CYYR1: variants seen among roughly 807,000 people sequenced by gnomAD.
CYYR1 encodes cysteine and tyrosine rich 1.
In CYYR1, 14 loss-of-function variants were observed where a neutral mutation model predicts 15.2. That is an observed-to-expected ratio of 0.92 (90% confidence interval 0.61 to 1.44). The LOEUF is 1.44. Ranked by LOEUF, CYYR1 falls within the 40% of genes most tolerant of loss-of-function variation. The pLI is 0.00. For synonymous variants in CYYR1, 80 were observed against 77.4 expected (o/e 1.03, Z -0.18); for missense variants, 228 against 209.5 (o/e 1.09, Z -0.54).
chr21:26,553,226 C>T (rs779322045), intron 2 of CYYR1, among the ~76,000 whole-genome samples: 2 of 152,020 alleles, frequency 1.3e-5, no homozygotes, highest in Non-Finnish European at 2.9e-5. Flanking sequence ...TCACAGCTCC[C>T]CTATAGGTAA....
chr21:26,524,994 T>G (rs1249281320), intron 2 of CYYR1, among the ~76,000 whole-genome samples: 1 of 152,212 alleles, frequency 6.6e-6, no homozygotes, highest in Admixed American at 6.5e-5. Context: ...AATTGATTAC[T>G]GGAATGGGAG....
chr21:26,551,165 A>T (rs1052324814), intron 2 of CYYR1: 1 of 152,660 alleles, frequency 6.6e-6, no homozygotes, highest in African/African-American at 2.4e-5. Flanking sequence ...GAATATTTGA[A>T]GCCTACTACT....
chr21:26,562,805 C>CACACACACACACAA, intron 2 of CYYR1, among the ~76,000 whole-genome samples: 1 of 150,582 alleles, frequency 6.6e-6, no homozygotes, highest in Admixed American at 6.6e-5. Context: ...CACAAACACA[C>CACACACACACACAA]ACACACACAC....
chr21:26,540,860 A>G (rs1978503414), intron 2 of CYYR1, among the ~76,000 whole-genome samples: 1 of 152,214 alleles, frequency 6.6e-6, no homozygotes, highest in South Asian at 2.1e-4. Flanking sequence ...TTTAACATAG[A>G]TACTATAACT....
chr21:26,552,913 T>C (rs1045829326), intron 2 of CYYR1, among the ~76,000 whole-genome samples: 1 of 152,136 alleles, frequency 6.6e-6, no homozygotes, highest in Non-Finnish European at 1.5e-5. Flanking sequence ...CAGCCTACCA[T>C]ATTTACTAAC....
chr21:26,561,815 C>A (rs945668274), intron 2 of CYYR1, among the ~76,000 whole-genome samples: 15 of 152,308 alleles, frequency 9.8e-5, no homozygotes, highest in African/African-American at 3.6e-4. Flanking sequence ...CAGTATTGTA[C>A]AATTATTCTC....
chr21:26,572,845 C>T, intron 1 of CYYR1, 23 bp downstream of exon 1: 1 of 1,612,696 alleles, frequency 6.2e-7, no homozygotes, highest in South Asian at 1.1e-5. Flanking sequence ...CTCTGACCCT[C>T]TCCGCCGCCC....
chr21:26,479,300 A>AG (rs764033327), intron 3 of CYYR1, among the ~76,000 whole-genome samples: 12 of 151,532 alleles, frequency 7.9e-5, no homozygotes, highest in Non-Finnish European at 1.8e-4. Flanking sequence ...AAGATGATAG[A>AG]GGAAAAAAAA....
chr21:26,512,824 G>T (rs2065668531), intron 2 of CYYR1, among the ~76,000 whole-genome samples: 1 of 152,166 alleles, frequency 6.6e-6, no homozygotes, highest in Non-Finnish European at 1.5e-5. Context: ...AACAGAAAAG[G>T]TTGACCAACC....
intron 2 of CYYR1, among the ~76,000 whole-genome samples, chr21:26,487,159 A>G (rs1490994254): frequency 6.6e-6 from 1 of 152,038 alleles, no homozygotes. Context: ...TATGGAAATA[A>G]GAGTTTGAAA....
At chr21:26,525,578 T>C (rs2065853755) in intron 2 of CYYR1, among the ~76,000 whole-genome samples, 1 of 152,202 alleles carries the variant, frequency 6.6e-6, no homozygotes, top group Non-Finnish European at 1.5e-5. Context: ...TCATTTTTGA[T>C]CCCTGTAACT....
chr21:26,514,761 T>A (rs951050757), intron 2 of CYYR1, among the ~76,000 whole-genome samples: 4 of 152,142 alleles, frequency 2.6e-5, no homozygotes, highest in African/African-American at 9.7e-5. Flanking sequence ...TCACAGTATC[T>A]CACTTAATGT....
Position 26,573,282 on chromosome 21 carries a change from A to C in CYYR1, c.-342T>G. On this transcript the variant is annotated 5_prime_UTR_variant, in exon 1 of 4. Coordinates refer to ENST00000652641, the MANE Select transcript of CYYR1 (RefSeq NM_001320768.2). The stretch of plus-strand genomic sequence containing the variant: ...CATTTCATCTCCGCGGGTGGCAACG[A>C]CTGCGGGCAGGGGGCGGGGGTGGCC... The C allele has an allele frequency of 7.7e-7, 1 of 1,292,796 alleles. No homozygotes were observed. The highest frequency in any genetic ancestry group is 1.0e-6 in the Non-Finnish European group (1 of 1,002,426). The allele number at this position is 1,292,796 out of a possible 1,614,324, so 80.1% of individuals were successfully genotyped here. A position where few individuals can be genotyped will look rare whatever the true frequency, so the allele number is the denominator to read the frequency against.
chr21:26,542,288 T>C (rs867580616), intron 2 of CYYR1, among the ~76,000 whole-genome samples: 275 of 108,370 alleles, frequency 2.5e-3, no homozygotes, highest in Non-Finnish European at 3.4e-3. Context: ...TGTGTGTGTG[T>C]GCGTGTGTGT....
intron 2 of CYYR1, among the ~76,000 whole-genome samples, chr21:26,565,658 C>T (rs1475712008): frequency 6.6e-6 from 1 of 152,130 alleles, no homozygotes; most frequent in African/African-American, 2.4e-5. Flanking sequence ...CAAGGAAATG[C>T]TTCACAGAGT....
intron 2 of CYYR1, among the ~76,000 whole-genome samples, chr21:26,549,868 C>T (rs373665185): frequency 6.6e-6 from 1 of 152,086 alleles, no homozygotes; most frequent in East Asian, 1.9e-4. Context: ...TTTTACCCTC[C>T]GTGTAAGTCA....
At chr21:26,518,939 G>A (rs1047401012) in intron 2 of CYYR1, among the ~76,000 whole-genome samples, 17 of 152,110 alleles carry the variant, frequency 1.1e-4, no homozygotes, top group Admixed American at 9.2e-4. Flanking sequence ...ATAGCTTTGG[G>A]TAAACCATCC....
At chr21:26,471,657 A>G (rs1488497158) in intron 3 of CYYR1, 1 of 152,218 alleles carries the variant, frequency 6.6e-6, no homozygotes, top group Non-Finnish European at 1.5e-5. Flanking sequence ...GGGCTGTATT[A>G]TCTTTCTTTC....
intron 2 of CYYR1, among the ~76,000 whole-genome samples, chr21:26,523,187 C>A (rs1482338474): frequency 6.6e-6 from 1 of 152,110 alleles, no homozygotes; most frequent in East Asian, 1.9e-4. Context: ...TAGAAGTTAT[C>A]CTACTTTTCT....
Sources: allele counts gnomAD v4.1 joint callset (sites outside exome capture counted in the v4.1 genomes callset), GRCh38; gene constraint gnomAD v4.1.1; transcripts MANE v1.5; gene names NCBI Gene and HGNC (gene_info 2026-07-23, HGNC 2026-07-21).